ADCY2: variants seen among roughly 807,000 people sequenced by gnomAD.
ADCY2 encodes adenylate cyclase type 2.
In ADCY2, 31 loss-of-function variants were observed where a neutral mutation model predicts 125.2. That is an observed-to-expected ratio of 0.25 (90% CI 0.19 to 0.33). The LOEUF (loss-of-function observed/expected upper bound fraction) is 0.33, where lower values mean the gene tolerates loss of function less well. Among genes scored for constraint, ADCY2 ranks in the 10% least tolerant of loss-of-function variants. ADCY2 has a pLI of 1.00. For missense variants in ADCY2, 904 were observed against 1,418.2 expected, an observed-to-expected ratio of 0.64 and a Z score of 5.82; for synonymous variants, 512 against 548.4, an observed-to-expected ratio of 0.93 and a Z score of 0.93.
intron 22 of ADCY2, among the ~76,000 whole-genome samples, chr5:7,809,924 G>A (rs1744880195): frequency 6.6e-6 from 1 of 152,230 alleles, no homozygotes; most frequent in Non-Finnish European, 1.5e-5. Flanking sequence ...ATATTAAACT[G>A]GAAATGGGCT....
chr5:7,405,754 T>C (rs1739462089), intron 1 of ADCY2, among the ~76,000 whole-genome samples: 1 of 152,222 alleles, frequency 6.6e-6, no homozygotes, highest in South Asian at 2.1e-4. Context: ...TGGAGCCAAT[T>C]TGGATTTTTA....
At chr5:7,757,097 A>G (rs1267264635) in intron 15 of ADCY2, among the ~76,000 whole-genome samples, 3 of 152,250 alleles carry the variant, frequency 2.0e-5, no homozygotes, top group Non-Finnish European at 4.4e-5. Flanking sequence ...AACTTTCATC[A>G]TAGCTGTGAT....
At chr5:7,687,601 A>ATG (rs974976868) in intron 4 of ADCY2, among the ~76,000 whole-genome samples, 1 of 152,164 alleles carries the variant, frequency 6.6e-6, no homozygotes, top group Non-Finnish European at 1.5e-5. Flanking sequence ...TCTCTGAGCA[A>ATG]TGTGCCGACC....
intron 2 of ADCY2, among the ~76,000 whole-genome samples, chr5:7,453,698 C>G (rs1238259957): frequency 2.0e-5 from 3 of 152,090 alleles, no homozygotes; most frequent in Non-Finnish European, 4.4e-5. Context: ...GGGAAGTATA[C>G]GTTGGCATAC....
In ADCY2 at chr5:7,665,828, C is replaced by CTTTTTTTTT. The variant is rs70940750; in HGVS notation, c.721-24843_721-24835dup. 2.3e-4 allele frequency among the ~76,000 whole-genome samples: 9 copies of CTTTTTTTTT among 38,632 alleles called. 3 individuals carry two copies. The highest frequency in any genetic ancestry group is 6.2e-4 in the African/African-American group (6 of 9,634). 25.3% of individuals were successfully genotyped at this position (38,632 alleles called of 152,430 possible). On this transcript the variant is annotated intron_variant, in intron 4 of 24. Coordinates refer to ENST00000338316, the MANE Select transcript of ADCY2 (RefSeq NM_020546.3). Reference sequence around the variant, plus strand: ...TGTTTTGTTTTTTTTTAATTTAATTCTTTTTTTTTTTTTTTTTTTTTTTTT... The same window carrying CTTTTTTTTT: ...TGTTTTGTTTTTTTTTAATTTAATTCTTTTTTTTTTTTTTTTTTTTTTTTTTTTTTTTTT...
chr5:7,774,757 T>A (rs947777334), intron 18 of ADCY2, among the ~76,000 whole-genome samples: 3 of 152,346 alleles, frequency 2.0e-5, no homozygotes, highest in Middle Eastern at 6.8e-3. Flanking sequence ...GGAGACTGAC[T>A]TGAGAAGCCT....
At position 7,789,653 on chromosome 5, in the gene ADCY2, C is replaced by G; in HGVS notation, c.2481C>G (p.Tyr827Ter). The G allele has an allele frequency of 1.9e-6, 3 of 1,613,700 alleles. No homozygotes were observed. Among genetic ancestry groups the G allele is most frequent in the Non-Finnish European group, 1.7e-6 (2 of 1,179,822 alleles). ...LLVLGRQNEY[Y>*]CRLDFLWKNK... is the part of the protein sequence containing the mutation. ...TCCTCTTGTAACAGAATGAATATTA[C>G]TGTAGGTTAGACTTCTTATGGAAGA... is the stretch of plus-strand genomic sequence containing the variant. Residue 827 changes from tyrosine (Y) to a stop codon, truncating the protein, a stop_gained, in exon 20 of 25, where the codon TAC (tyrosine) becomes TAG (stop). Transcript: ENST00000338316. LOFTEE classifies it high-confidence loss of function.
intron 4 of ADCY2, among the ~76,000 whole-genome samples, chr5:7,646,624 G>T (rs1738908717): frequency 6.6e-6 from 1 of 152,142 alleles, no homozygotes; most frequent in Non-Finnish European, 1.5e-5. Context: ...TATGTGCAAT[G>T]AAATTTCAGT....
intron 2 of ADCY2, among the ~76,000 whole-genome samples, chr5:7,482,699 A>C (rs1742775711): frequency 6.6e-6 from 1 of 150,720 alleles, no homozygotes; most frequent in Non-Finnish European, 1.5e-5. Context: ...TTGTAGCACT[A>C]TTCCTAATAG....
intron 2 of ADCY2, among the ~76,000 whole-genome samples, chr5:7,512,757 G>C (rs1473027295): frequency 6.6e-6 from 1 of 152,194 alleles, no homozygotes; most frequent in Non-Finnish European, 1.5e-5. Flanking sequence ...AGCTGAGCCA[G>C]TGGAGCTCAG....
chr5:7,504,343 C>T (rs1034507801), intron 2 of ADCY2, among the ~76,000 whole-genome samples: 18 of 152,166 alleles, frequency 1.2e-4, no homozygotes, highest in African/African-American at 1.7e-4. Context: ...CACAATATTC[C>T]TTTTGATAAA....
At chr5:7,696,514 T>C (rs1740898765) in intron 6 of ADCY2, among the ~76,000 whole-genome samples, 1 of 152,188 alleles carries the variant, frequency 6.6e-6, no homozygotes, top group Non-Finnish European at 1.5e-5. Context: ...TGGGTGGCAA[T>C]ATCGATGACA....
At chr5:7,516,388 A>C (rs1052666043) in intron 2 of ADCY2, among the ~76,000 whole-genome samples, 2 of 152,166 alleles carry the variant, frequency 1.3e-5, no homozygotes, top group Non-Finnish European at 2.9e-5. Flanking sequence ...ACTTGATATC[A>C]GTCAGGACTA....
chr5:7,497,113 G>T (rs1222243209), intron 2 of ADCY2, among the ~76,000 whole-genome samples: 1 of 152,152 alleles, frequency 6.6e-6, no homozygotes, highest in East Asian at 1.9e-4. Context: ...TTATGAAGAT[G>T]CAATGTTCTT....
intron 4 of ADCY2, among the ~76,000 whole-genome samples, chr5:7,629,013 A>G (rs1223725585): frequency 6.6e-6 from 1 of 152,110 alleles, no homozygotes; most frequent in African/African-American, 2.4e-5. Context: ...TGCACCACAA[A>G]CCACCTTTCG....
intron 7 of ADCY2, among the ~76,000 whole-genome samples, chr5:7,705,656 G>C (rs146725510): frequency 1.3e-5 from 2 of 152,188 alleles, no homozygotes; most frequent in African/African-American, 4.8e-5. Context: ...GCTCTGGCTC[G>C]TTTTGTGGGG....
chr5:7,786,353 G>A (rs779917740), intron 19 of ADCY2, among the ~76,000 whole-genome samples: 4 of 152,202 alleles, frequency 2.6e-5, no homozygotes, highest in Non-Finnish European at 4.4e-5. Flanking sequence ...CTCCATATTG[G>A]AAATAAGATT....
chr5:7,674,198 T>A (rs1740039450), intron 4 of ADCY2, among the ~76,000 whole-genome samples: 1 of 152,140 alleles, frequency 6.6e-6, no homozygotes, highest in African/African-American at 2.4e-5. Context: ...TGTTTTCTGC[T>A]TCATTTGGGA....
chr5:7,474,246 G>A (rs1322559768), intron 2 of ADCY2, among the ~76,000 whole-genome samples: 2 of 152,208 alleles, frequency 1.3e-5, no homozygotes, highest in Non-Finnish European at 2.9e-5. Flanking sequence ...AACAAAGCAA[G>A]ATTGAACATG....
Sources: gnomAD v4.1 joint callset for allele counts (sites outside exome capture counted in the v4.1 genomes callset) on GRCh38, gnomAD v4.1.1 for gene constraint, MANE v1.5 for transcripts, NCBI Gene and HGNC (gene_info 2026-07-23, HGNC 2026-07-21) for gene names.